FRMD8: variants seen among roughly 807,000 people sequenced by gnomAD.
FRMD8 encodes FERM domain-containing protein 8.
A neutral mutation model predicts 54.2 loss-of-function variants in FRMD8; 37 were observed. That is an observed-to-expected ratio of 0.68 (90% confidence interval 0.53 to 0.90). The LOEUF is 0.90. Ranked by LOEUF, FRMD8 falls within the 40% of genes least tolerant of loss-of-function variation. The pLI is 0.00. For missense variants in FRMD8, 585 were observed against 653.7 expected, an observed-to-expected ratio of 0.89 and a Z score of 1.15; for synonymous variants, 246 against 286.9, an observed-to-expected ratio of 0.86 and a Z score of 1.44.
intron 2 of FRMD8, among the ~76,000 whole-genome samples, chr11:65,388,630 C>T (rs1188377182): frequency 6.6e-6 from 1 of 152,176 alleles, no homozygotes; most frequent in Non-Finnish European, 1.5e-5. Context: ...GGTTGCTCTT[C>T]CAGGTGTCTC....
chr11:65,406,355 C>T (rs1051958065), intron 10 of FRMD8, among the ~76,000 whole-genome samples: 13 of 151,936 alleles, frequency 8.6e-5, no homozygotes, highest in South Asian at 2.1e-4. Context: ...CCACCACGCC[C>T]GGCTACTTTT....
the FRMD8 span, chr11:65,379,289 TG>T: frequency 5.4e-6 from 8 of 1,494,812 alleles, no homozygotes; most frequent in East Asian, 1.8e-4. Flanking sequence ...CCTCCACAGC[TG>T]TGGGTCGCCA....
At chr11:65,374,561 C>T in the FRMD8 span, among the ~76,000 whole-genome samples, 3 of 152,180 alleles carry the variant, frequency 2.0e-5, no homozygotes, top group South Asian at 2.1e-4. Flanking sequence ...GGTGGACTCA[C>T]GTTGATCTCA....
rs1267744245 is a variant in FRMD8, at chr11:65,393,637, G to C, written c.318G>C (p.Leu106=). Residue 106 remains leucine (L), a synonymous_variant, in exon 4 of 11, where the codon CTG becomes CTC. Transcript: ENST00000317568. The part of the protein sequence containing the change: ...KLGRQWPELL[L]RFTSAPDDDV... The stretch of plus-strand genomic sequence containing the variant: ...GACGCCAGTGGCCGGAGCTGCTGCT[G>C]CGCTTCACCAGTGCCCCAGACGATG... The C allele has an allele frequency of 2.2e-5, 35 of 1,607,944 alleles. No homozygotes were observed. Among genetic ancestry groups the C allele is most frequent in the Non-Finnish European group, 2.9e-5 (34 of 1,179,916 alleles).
intron 9 of FRMD8, 136 bp downstream of exon 9, chr11:65,401,003 C>T: frequency 1.0e-6 from 1 of 1,004,198 alleles, no homozygotes; most frequent in Non-Finnish European, 1.4e-6. Context: ...GCGGCCTGGG[C>T]ACAAGGGGTG....
rs947555369 is a variant in FRMD8 at position 65,397,011 on chromosome 11, C to T, written c.794C>T (p.Pro265Leu). The T allele has an allele frequency of 6.2e-6, 9 of 1,450,038 alleles. No individual in the cohort carries two copies. The highest frequency in any genetic ancestry group is 2.9e-5 in the African/African-American group (2 of 68,896). The allele number at this position is 1,450,038 out of a possible 1,614,324, so 89.8% of individuals were successfully genotyped here. The change falls in exon 7 of 11, where the codon CCG becomes CTG. Residue 265 changes from proline to leucine, a missense_variant. Coordinates refer to ENST00000317568, the MANE Select transcript of FRMD8 (RefSeq NM_031904.5). Reference sequence around the variant, plus strand: ...TATCTCCTCAAGTGCCACGAGCTGCCGTTTTATGGGTAAGAGCCACAGCCC... The same window carrying T: ...TATCTCCTCAAGTGCCACGAGCTGCTGTTTTATGGGTAAGAGCCACAGCCC... ...RAYLLKCHELPFYGCAFFHGE... is the reference protein window; with the variant it reads ...RAYLLKCHELLFYGCAFFHGE...
chr11:65,373,368 G>A, the FRMD8 span, among the ~76,000 whole-genome samples: 4 of 152,206 alleles, frequency 2.6e-5, no homozygotes, highest in Non-Finnish European at 5.9e-5. Context: ...CTAGAAACTA[G>A]GAGTTCGAGT....
the FRMD8 span, chr11:65,380,506 A>G: frequency 7.2e-7 from 1 of 1,387,110 alleles, no homozygotes; most frequent in Non-Finnish European, 9.5e-7. Context: ...GAGCCGCGGG[A>G]CTCTGGGAGA....
chr11:65,372,052 C>T, the FRMD8 span, among the ~76,000 whole-genome samples: 5 of 152,234 alleles, frequency 3.3e-5, no homozygotes, highest in African/African-American at 1.2e-4. Flanking sequence ...GTTGGGATTA[C>T]AGGCATGTGC....
intron 4 of FRMD8, 33 bp downstream of exon 4, chr11:65,393,707 G>A: frequency 1.3e-6 from 2 of 1,545,858 alleles, no homozygotes; most frequent in Non-Finnish European, 1.8e-6. Context: ...CCTTGCCTCG[G>A]GACCACCTGA....
rs187423544 is a variant in FRMD8 at position 65,412,256 on chromosome 11, C to G, written c.*896C>G. 1 of 152,484 alleles carries G rather than the reference C, an allele frequency of 6.6e-6. No homozygotes were observed. Among genetic ancestry groups the G allele is most frequent in the Admixed American group, 6.5e-5 (1 of 15,304 alleles). The allele number at this position is 152,484 out of a possible 1,614,324, so 9.4% of individuals were successfully genotyped here. On this transcript the variant is annotated 3_prime_UTR_variant, in exon 11 of 11. Coordinates refer to ENST00000317568, the MANE Select transcript of FRMD8 (RefSeq NM_031904.5). ...CTAGGGGACTGACCGGACCTGACCT[C>G]CCCTCCCTGTGTCTGGGTCTTCAGG...
At chr11:65,407,593 T>C (rs1856230238) in intron 10 of FRMD8, among the ~76,000 whole-genome samples, 1 of 150,986 alleles carries the variant, frequency 6.6e-6, no homozygotes, top group Non-Finnish European at 1.5e-5. Flanking sequence ...CAAAATAATA[T>C]TCAGTAAAAA....
At chr11:65,372,383 C>A in the FRMD8 span, among the ~76,000 whole-genome samples, 1 of 152,042 alleles carries the variant, frequency 6.6e-6, no homozygotes, top group African/African-American at 2.4e-5. Flanking sequence ...CTCTCCCAGC[C>A]CAGTGGGTAG....
the FRMD8 span, chr11:65,380,761 G>C: frequency 2.8e-5 from 11 of 387,850 alleles, no homozygotes; most frequent in Non-Finnish European, 5.2e-5. Context: ...CCCCCAGGAG[G>C]CAGGTTCAGA....
upstream of FRMD8, chr11:65,382,120 C>G (rs1590640016): frequency 1.5e-6 from 1 of 660,128 alleles, no homozygotes; most frequent in East Asian, 2.7e-5. This position sits in a 1 kb window ranked among gnomAD's most constrained non-coding sequence, Gnocchi z 4.4. Flanking sequence ...GGAGAGCGAG[C>G]CAGTTCCGGT....
At chr11:65,380,067 C>T in the FRMD8 span, 2 of 1,587,910 alleles carry the variant, frequency 1.3e-6, no homozygotes, top group African/African-American at 2.7e-5. Context: ...GGCCTGATCT[C>T]AGGGCACCCT....
At chr11:65,381,730 A>AT (rs1253406617), upstream of FRMD8, 2 of 665,422 alleles carry the variant, frequency 3.0e-6, no homozygotes, top group East Asian at 2.8e-5. Flanking sequence ...AATTATTTTG[A>AT]TTTTTTTGTA....
At chr11:65,371,100 G>A in the FRMD8 span, among the ~76,000 whole-genome samples, 1 of 152,148 alleles carries the variant, frequency 6.6e-6, no homozygotes. Context: ...GTGTGGGCCT[G>A]GCACTCAGGA....
intron 2 of FRMD8, among the ~76,000 whole-genome samples, chr11:65,387,589 A>G (rs751734767): frequency 6.6e-6 from 1 of 151,800 alleles, no homozygotes; most frequent in Non-Finnish European, 1.5e-5. Flanking sequence ...CCCAGGCTGG[A>G]GTGCAGTGGT....
Sources: gnomAD v4.1 joint callset for allele counts (sites outside exome capture counted in the v4.1 genomes callset) on GRCh38, gnomAD v4.1.1 for gene constraint, Gnocchi (gnomAD v3.1) non-coding constraint, MANE v1.5 for transcripts, NCBI Gene and HGNC (gene_info 2026-07-23, HGNC 2026-07-21) for gene names.